The following DHX32 variants were observed in gnomAD, a reference collection of about 807,000 sequenced individuals.
DHX32 encodes the protein DEAH-box helicase 32 (putative).
A neutral mutation model predicts 70.0 loss-of-function variants in DHX32; 51 were observed. The observed-to-expected ratio is 0.73, with a 90% confidence interval of 0.58 to 0.92. The LOEUF is 0.92. Among genes scored for constraint, DHX32 ranks in the 40% least tolerant of loss-of-function variants. DHX32 has a pLI of 0.00. For missense variants in DHX32, 762 were observed against 891.8 expected, an observed-to-expected ratio of 0.85 and a Z score of 1.85; for synonymous variants, 310 against 315.3, an observed-to-expected ratio of 0.98 and a Z score of 0.18.
rs185312079 is a variant in DHX32, at chr10:125,873,134, C to T, written c.283-5951G>A. Among the ~76,000 whole-genome samples, 709 of 152,268 alleles carry T rather than the reference C, an allele frequency of 4.7e-3. 3 individuals carry two copies. The highest frequency in any genetic ancestry group is 0.016 in the African/African-American group (663 of 41,554). ...CAGATCAGAATCAAGGGAGCAGCAG[C>T]GGCATCACGTATCCGTGTATGGTCT... On this transcript the variant is annotated intron_variant, in intron 1 of 10. Coordinates refer to ENST00000284690, the MANE Select transcript of DHX32 (RefSeq NM_018180.3).
At chr10:125,844,639 C>G (rs112079233) in intron 6 of DHX32, among the ~76,000 whole-genome samples, 2,685 of 152,278 alleles carry the variant, frequency 0.018, 82 homozygotes, top group African/African-American at 0.061. Context: ...CAGTGTGGCC[C>G]ATAAACTTGC....
At position 125,852,127 on chromosome 10, in the gene DHX32, A is replaced by G. The variant is rs144040952; in HGVS notation, c.1351+166T>C. On this transcript the variant is annotated intron_variant, in intron 6 of 10. Coordinates refer to ENST00000284690, the MANE Select transcript of DHX32 (RefSeq NM_018180.3). ...AGAGGTTTGTGGGGTTTTAAAAATT[A>G]CCTTCAGAGAATGTTTACCTCTAGC... Among the ~76,000 whole-genome samples the G allele has an allele frequency of 1.3e-3, 197 of 152,136 alleles. 1 individual carries two copies. The highest frequency in any genetic ancestry group is 4.6e-3 in the African/African-American group (190 of 41,490).
intron 3 of DHX32, among the ~76,000 whole-genome samples, chr10:125,856,763 T>C (rs1033517289): frequency 6.6e-6 from 1 of 151,610 alleles, no homozygotes; most frequent in South Asian, 2.1e-4. Context: ...CTGGGCAACA[T>C]AGTTAGACCC....
At chr10:125,838,172 A>C in intron 10 of DHX32, 34 bp downstream of exon 10, 1 of 1,531,542 alleles carries the variant, frequency 6.5e-7, no homozygotes, top group Non-Finnish European at 8.7e-7. Context: ...GAATTAAAAA[A>C]AAAATACAAC....
intron 1 of DHX32, among the ~76,000 whole-genome samples, chr10:125,867,752 AAATC>A (rs1394547326): frequency 2.1e-5 from 3 of 142,914 alleles, no homozygotes; most frequent in African/African-American, 7.6e-5. Flanking sequence ...AAAAAAAAAA[AAATC>A]AAGGACAAAA....
chr10:125,838,404 TAAAG>T lies in DHX32; in HGVS notation c.1882-21_1882-18del, dbSNP rs750071929. Reference sequence around the variant, plus strand: ...CCGAGCAATCTGAAAGGCAGAATTTTAAAGAAAAAAGATTTTGTATTAATATGGA... The same window carrying T: ...CCGAGCAATCTGAAAGGCAGAATTTTAAAAAAGATTTTGTATTAATATGGA... On this transcript the variant is annotated intron_variant, in intron 9 of 10. Transcript: ENST00000284690. The T allele has an allele frequency of 4.5e-6, 7 of 1,547,570 alleles. No individual in the cohort carries two copies. In the Admixed American group the frequency reaches 1.6e-4, roughly 35 times the overall value.
intron 2 of DHX32, among the ~76,000 whole-genome samples, chr10:125,861,475 C>T (rs929324678): frequency 6.6e-6 from 1 of 152,078 alleles, no homozygotes; most frequent in Admixed American, 6.5e-5. Context: ...CCAGCCTGGG[C>T]GACAGAGCGA....
chr10:125,868,424 A>G (rs1388462253), intron 1 of DHX32, among the ~76,000 whole-genome samples: 1 of 152,236 alleles, frequency 6.6e-6, no homozygotes, highest in African/African-American at 2.4e-5. Flanking sequence ...TGAAATTCTT[A>G]GATCTGAATT....
intron 9 of DHX32, 114 bp downstream of exon 9, chr10:125,838,887 G>T: frequency 8.2e-7 from 1 of 1,216,754 alleles, no homozygotes; most frequent in Non-Finnish European, 1.1e-6. Context: ...TAATAACATG[G>T]ATTTTTAGTT....
At chr10:125,847,680 A>G (rs1229127370) in intron 6 of DHX32, among the ~76,000 whole-genome samples, 1 of 152,210 alleles carries the variant, frequency 6.6e-6, no homozygotes, top group Non-Finnish European at 1.5e-5. Flanking sequence ...ATTGTAATAT[A>G]TAATGAAATA....
chr10:125,875,285 C>T (rs1304782373), intron 1 of DHX32, among the ~76,000 whole-genome samples: 1 of 151,802 alleles, frequency 6.6e-6, no homozygotes, highest in Admixed American at 6.6e-5. Flanking sequence ...GGTTTCAAAA[C>T]ACAGTTCACC....
intron 1 of DHX32, among the ~76,000 whole-genome samples, chr10:125,879,398 G>A (rs1944304505): frequency 1.3e-5 from 2 of 152,032 alleles, no homozygotes; most frequent in South Asian, 4.1e-4. Flanking sequence ...AGCTCTAGAA[G>A]GTCCCACATA....
chr10:125,855,181 C>T (rs1944135637), intron 3 of DHX32, among the ~76,000 whole-genome samples: 1 of 149,310 alleles, frequency 6.7e-6, no homozygotes, highest in Admixed American at 6.7e-5. Flanking sequence ...GAGATCGTGC[C>T]ACTGCACTCC....
intron 1 of DHX32, among the ~76,000 whole-genome samples, chr10:125,892,263 C>T (rs1589721277): frequency 6.6e-6 from 1 of 152,290 alleles, no homozygotes; most frequent in East Asian, 1.9e-4. Flanking sequence ...CCCACCATCG[C>T]TCTCCTGGTT....
rs58805988 is a variant in DHX32 at position 125,875,556 on chromosome 10, G to T, written c.282+4987C>A. On this transcript the variant is annotated intron_variant, in intron 1 of 10. Coordinates refer to ENST00000284690, the MANE Select transcript of DHX32 (RefSeq NM_018180.3). ...TGACATAAATAAATGATGAAGGAGAGAAAGCTCAGACTTACAGAAAGATTC... is the reference window on the plus strand; with the variant it reads ...TGACATAAATAAATGATGAAGGAGATAAAGCTCAGACTTACAGAAAGATTC... 4.8e-3 allele frequency among the ~76,000 whole-genome samples: 735 copies of T among 152,290 alleles called. 7 individuals carry two copies. Among genetic ancestry groups the T allele is most frequent in the African/African-American group, 0.016 (669 of 41,558 alleles).
intron 1 of DHX32, among the ~76,000 whole-genome samples, chr10:125,872,510 C>G (rs1166515417): frequency 6.6e-6 from 1 of 152,140 alleles, no homozygotes; most frequent in East Asian, 1.9e-4. Context: ...ATAAAAAAAG[C>G]TATTTTCATG....
chr10:125,874,348 C>T (rs1944271983), intron 1 of DHX32, among the ~76,000 whole-genome samples: 2 of 152,134 alleles, frequency 1.3e-5, no homozygotes, highest in Admixed American at 1.3e-4. Context: ...TATTTGAGTA[C>T]CATTTTGATT....
intron 3 of DHX32, among the ~76,000 whole-genome samples, chr10:125,859,045 G>GT (rs71029270): frequency 4.2e-4 from 59 of 141,754 alleles, no homozygotes; most frequent in African/African-American, 1.2e-3. Flanking sequence ...TTGTTTGTTT[G>GT]TTTTTTTTTT....
intron 6 of DHX32, 57 bp from the exon 7 acceptor site, chr10:125,841,991 AG>A (rs1854894846): frequency 1.3e-6 from 2 of 1,487,210 alleles, no homozygotes; most frequent in East Asian, 4.9e-5. Flanking sequence ...ATGGAGAAAC[AG>A]GTACTGGACT....
Sources: gnomAD v4.1 joint callset for allele counts (sites outside exome capture counted in the v4.1 genomes callset) on GRCh38, gnomAD v4.1.1 for gene constraint, MANE v1.5 for transcripts, NCBI Gene and HGNC (gene_info 2026-07-23, HGNC 2026-07-21) for gene names.